The following CUL1 variants were observed in gnomAD, a reference collection of about 807,000 sequenced individuals.
CUL1 encodes cullin 1.
In CUL1, 24 loss-of-function variants were observed where a neutral mutation model predicts 118.0. The observed-to-expected ratio is 0.20, with a 90% confidence interval of 0.15 to 0.29. The LOEUF is 0.29. Ranked by LOEUF, CUL1 falls within the 10% of genes least tolerant of loss-of-function variation. The pLI, the probability that CUL1 is intolerant of heterozygous loss-of-function variation, is 1.00. For synonymous variants in CUL1, 332 were observed against 340.4 expected (o/e 0.98, Z 0.27); for missense variants, 361 against 933.8 (o/e 0.39, Z 7.99).
At chr7:148,768,565 A>G (rs571322640) in intron 9 of CUL1, among the ~76,000 whole-genome samples, 1 of 151,816 alleles carries the variant, frequency 6.6e-6, no homozygotes, top group Non-Finnish European at 1.5e-5. Context: ...TTGTATTTTT[A>G]GTAGAGACAG....
intron 9 of CUL1, among the ~76,000 whole-genome samples, chr7:148,769,140 G>A (rs552809862): frequency 8.4e-4 from 128 of 152,112 alleles, no homozygotes; most frequent in African/African-American, 3.0e-3. Flanking sequence ...CACCCTTGGC[G>A]AGTTACTTCT....
chr7:148,737,576 A>ATTTATTTATTTATT (rs1474044764), intron 2 of CUL1, among the ~76,000 whole-genome samples: 2 of 127,044 alleles, frequency 1.6e-5, no homozygotes, highest in African/African-American at 8.5e-5. Context: ...ATATATTTTT[A>ATTTATTTATTTATT]TATTTATTTA....
At chr7:148,715,985 G>A (rs1028505698) in intron 1 of CUL1, among the ~76,000 whole-genome samples, 28 of 152,208 alleles carry the variant, frequency 1.8e-4, no homozygotes, top group Admixed American at 1.2e-3. Context: ...ACACTTATAT[G>A]TCTGGATGAT....
intron 1 of CUL1, among the ~76,000 whole-genome samples, chr7:148,706,086 T>C (rs1430702597): frequency 2.6e-5 from 4 of 152,196 alleles, no homozygotes; most frequent in African/African-American, 7.2e-5. Context: ...GTTTATTCAG[T>C]GTCCCCAAGG....
At position 148,800,445 on chromosome 7, in the gene CUL1, A is replaced by AT; in HGVS notation, c.2251-56dup. The AT allele has an allele frequency of 7.1e-7, 1 of 1,406,150 alleles. No homozygotes were observed. Among genetic ancestry groups the AT allele is most frequent in the Non-Finnish European group, 1.0e-6 (1 of 993,114 alleles). The allele number at this position is 1,406,150 out of a possible 1,614,324, so 87.1% of individuals were successfully genotyped here. ...GGGGCAGCCTCTCTCTGTTCTGATGATAATTTGTGTTTTTCTTCTCTTTCA... is the reference window on the plus strand; with the variant it reads ...GGGGCAGCCTCTCTCTGTTCTGATGATTAATTTGTGTTTTTCTTCTCTTTCA... On this transcript the variant is annotated intron_variant, in intron 21 of 21. Transcript: ENST00000325222. This position sits in a 1 kb window ranked among gnomAD's most constrained non-coding sequence, Gnocchi z 4.6.
Position 148,787,194 on chromosome 7 carries a change from G to A in CUL1, c.1479+74G>A, listed in dbSNP as rs536864506. Reference sequence around the variant, plus strand: ...AAACAGCTCTATGGCCGAGCGCGGTGGCTCATGCCTGTAATCCCAGCACTT... The same window carrying A: ...AAACAGCTCTATGGCCGAGCGCGGTAGCTCATGCCTGTAATCCCAGCACTT... On this transcript the variant is annotated intron_variant, in intron 13 of 21. Transcript: ENST00000325222. This position sits in a 1 kb window ranked among gnomAD's most constrained non-coding sequence, Gnocchi z 5.5. 1 of 1,505,902 alleles carries A rather than the reference G, an allele frequency of 6.6e-7. No individual in the cohort carries two copies. Among genetic ancestry groups the A allele is most frequent in the African/African-American group, 1.4e-5 (1 of 72,212 alleles). The allele number at this position is 1,505,902 out of a possible 1,614,324, so 93.3% of individuals were successfully genotyped here.
rs1797736287 is a variant in CUL1 at position 148,702,086 on chromosome 7, T to A, written c.-162+3057T>A. Among the ~76,000 whole-genome samples, 3 of 152,204 alleles carry A rather than the reference T, an allele frequency of 2.0e-5. No individual in the cohort carries two copies. The South Asian group carries it at 6.2e-4, about 31-fold the overall frequency. On this transcript the variant is annotated intron_variant, in intron 1 of 21. Transcript: ENST00000325222. ...TCCAAATGAAGAAATGAGCATTAAA[T>A]GAAAAATAGATCCTATTTGGATAAA...
At chr7:148,760,188 A>G (rs142826286) in intron 6 of CUL1, 145 bp from the exon 7 acceptor site, 2 of 543,526 alleles carry the variant, frequency 3.7e-6, no homozygotes, top group Middle Eastern at 5.1e-4. Context: ...GTACTTTAAT[A>G]CTAGTGAGTA....
At chr7:148,786,170 A>G (rs188056951) in intron 11 of CUL1, among the ~76,000 whole-genome samples, 8 of 152,322 alleles carry the variant, frequency 5.3e-5, no homozygotes, top group Middle Eastern at 3.4e-3. Flanking sequence ...AAGGGAATCT[A>G]TGTGCCTTTT....
intron 2 of CUL1, among the ~76,000 whole-genome samples, chr7:148,740,201 C>T (rs566997218): frequency 1.5e-4 from 23 of 152,192 alleles, no homozygotes; most frequent in East Asian, 5.8e-4. Flanking sequence ...TACAGACGCA[C>T]GCCACCACGC....
chr7:148,717,945 A>G (rs1299595829), intron 1 of CUL1, among the ~76,000 whole-genome samples: 4 of 152,174 alleles, frequency 2.6e-5, no homozygotes, highest in South Asian at 4.1e-4. Context: ...CTGCAGGCAA[A>G]ACTTTGACAT....
intron 1 of CUL1, among the ~76,000 whole-genome samples, chr7:148,723,816 T>C (rs1270452634): frequency 1.3e-5 from 2 of 151,466 alleles, no homozygotes; most frequent in South Asian, 2.1e-4. Flanking sequence ...TTTAAAGCCA[T>C]GTTCCTTGAA....
At chr7:148,715,402 C>A (rs957150935) in intron 1 of CUL1, among the ~76,000 whole-genome samples, 2 of 151,614 alleles carry the variant, frequency 1.3e-5, no homozygotes, top group Non-Finnish European at 1.5e-5. Flanking sequence ...CTGGCACTTA[C>A]CACAGTCAGT....
chr7:148,797,929 T>C lies in CUL1; in HGVS notation c.1948-8T>C. The C allele has an allele frequency of 6.2e-7, 1 of 1,612,714 alleles. No individual in the cohort carries two copies. Among genetic ancestry groups the C allele is most frequent in the South Asian group, 1.1e-5 (1 of 90,936 alleles). On this transcript the variant is annotated splice_region_variant and splice_polypyrimidine_tract_variant and intron_variant, in intron 18 of 21. Coordinates refer to ENST00000325222, the MANE Select transcript of CUL1 (RefSeq NM_003592.3). ...TGAGATTGTAGAGTAACAATTGTTT[T>C]CTTACAGGTCTTGGAAGATGAAAAT...
chr7:148,747,250 T>G (rs575064461), intron 2 of CUL1, among the ~76,000 whole-genome samples: 2 of 152,332 alleles, frequency 1.3e-5, no homozygotes, highest in East Asian at 1.9e-4. Context: ...AGCCATAGAT[T>G]GCCAAGGAAC....
upstream of CUL1, chr7:148,697,998 A>C (rs1479077992): frequency 3.3e-5 from 5 of 152,290 alleles, no homozygotes; most frequent in Admixed American, 2.6e-4. Context: ...GACGAAGGAT[A>C]GAGTGAATGT....
chr7:148,798,791 G>C, intron 20 of CUL1, 114 bp downstream of exon 20: 1 of 847,516 alleles, frequency 1.2e-6, no homozygotes, highest in Non-Finnish European at 2.0e-6. Context: ...CCAGATGAAT[G>C]GGTCTGTGAT....
intron 10 of CUL1, 33 bp from the exon 11 acceptor site, chr7:148,783,938 C>A: frequency 1.2e-6 from 2 of 1,612,764 alleles, no homozygotes; most frequent in Non-Finnish European, 1.7e-6. Flanking sequence ...ATGGATGGGG[C>A]GTTTGTCTCT....
At chr7:148,726,850 A>AT (rs57464809) in intron 1 of CUL1, among the ~76,000 whole-genome samples, 61 of 148,670 alleles carry the variant, frequency 4.1e-4, no homozygotes, top group South Asian at 6.5e-4. Flanking sequence ...AAAAAAAAAA[A>AT]TTTTTTTTTA....
Sources: allele counts gnomAD v4.1 joint callset (sites outside exome capture counted in the v4.1 genomes callset), GRCh38; gene constraint gnomAD v4.1.1; non-coding constraint Gnocchi (gnomAD v3.1); transcripts MANE v1.5; gene names NCBI Gene and HGNC (gene_info 2026-07-23, HGNC 2026-07-21).